Variants in CNIH3 observed in about 807,000 individuals in gnomAD.
CNIH3 encodes protein cornichon homolog 3.
Under a neutral mutation model 24.1 loss-of-function variants are expected in CNIH3, and 14 were observed. That is an observed-to-expected ratio of 0.58 (90% CI 0.38 to 0.91). The LOEUF (loss-of-function observed/expected upper bound fraction) is 0.91. Among genes scored for constraint, CNIH3 ranks in the 40% least tolerant of loss-of-function variants. The pLI is 0.00. For synonymous variants in CNIH3, 68 were observed against 73.8 expected (o/e 0.92, Z 0.40); for missense variants, 178 against 196.8 (o/e 0.90, Z 0.57).
intron 3 of CNIH3, among the ~76,000 whole-genome samples, chr1:224,723,421 C>A (rs1688847174): frequency 6.6e-6 from 1 of 152,182 alleles, no homozygotes; most frequent in Admixed American, 6.5e-5. Flanking sequence ...GCAACAGGAA[C>A]ATCCACAGTG....
chr1:224,652,737 G>A (rs1684918040), intron 1 of CNIH3, among the ~76,000 whole-genome samples: 1 of 152,206 alleles, frequency 6.6e-6, no homozygotes, highest in African/African-American at 2.4e-5. Context: ...CTCATTTCTG[G>A]ACTTCCAGAA....
chr1:224,510,635 A>G (rs999806631), intron 1 of CNIH3, among the ~76,000 whole-genome samples: 3 of 152,036 alleles, frequency 2.0e-5, no homozygotes, highest in Middle Eastern at 3.4e-3. Flanking sequence ...AAAAGAAAGA[A>G]CTAGAACCAT....
At position 224,459,164 on chromosome 1, in the gene CNIH3, TGC is replaced by T. The variant is rs1335935116; in HGVS notation, n.203+24303_203+24304del. ...CTAGGACATCCAGGGCCCCTCTCTTTGCCTTCCCCTCTTTCTTCCTTCTACTG... is the reference window on the plus strand; with the variant it reads ...CTAGGACATCCAGGGCCCCTCTCTTTCTTCCCCTCTTTCTTCCTTCTACTG... On this transcript the variant is annotated intron_variant and non_coding_transcript_variant, in intron 1 of 5. Transcript: ENST00000471578. 3.1e-6 allele frequency: 3 copies of T among 960,192 alleles called. No homozygotes were observed. In the African/African-American group the frequency reaches 5.3e-5, roughly 17 times the overall value. 59.5% of individuals were successfully genotyped at this position (960,192 alleles called of 1,614,324 possible). A position where few individuals can be genotyped will look rare whatever the true frequency, so the allele number is the denominator to read the frequency against.
At chr1:224,446,531 G>A (rs534494355) in intron 1 of CNIH3, among the ~76,000 whole-genome samples, 1 of 152,124 alleles carries the variant, frequency 6.6e-6, no homozygotes, top group African/African-American at 2.4e-5. Flanking sequence ...AACGTAAATG[G>A]TATGTTTAAA....
At chr1:224,437,707 A>G (rs940049810) in intron 1 of CNIH3, among the ~76,000 whole-genome samples, 6 of 152,196 alleles carry the variant, frequency 3.9e-5, no homozygotes, top group African/African-American at 1.4e-4. Context: ...CACTCAAAAG[A>G]GGGGTGATTA....
intron 4 of CNIH3, among the ~76,000 whole-genome samples, chr1:224,581,408 C>T (rs1227738417): frequency 1.3e-5 from 2 of 152,188 alleles, no homozygotes; most frequent in Admixed American, 1.3e-4. Context: ...CTTTCTTCTA[C>T]CCTTTTGAAA....
intron 1 of CNIH3, among the ~76,000 whole-genome samples, chr1:224,474,898 G>A (rs191007604): frequency 1.7e-4 from 26 of 150,718 alleles, no homozygotes; most frequent in East Asian, 1.6e-3. Flanking sequence ...AAAAAAAGCC[G>A]GTCGTGGCAG....
intron 5 of CNIH3, among the ~76,000 whole-genome samples, chr1:224,585,583 G>A (rs1681471198): frequency 6.6e-6 from 1 of 151,648 alleles, no homozygotes; most frequent in South Asian, 2.1e-4. Context: ...GGCTCAAGCG[G>A]TCCTCCTGCC....
At chr1:224,609,376 A>C (rs1302570860) in intron 3 of CNIH3, among the ~76,000 whole-genome samples, 4 of 152,170 alleles carry the variant, frequency 2.6e-5, no homozygotes, top group Non-Finnish European at 4.4e-5. Context: ...TAAACATCCA[A>C]ACCCCACCAA....
At chr1:224,467,705 T>C (rs1048083492) in intron 1 of CNIH3, among the ~76,000 whole-genome samples, 2 of 152,150 alleles carry the variant, frequency 1.3e-5, no homozygotes, top group African/African-American at 2.4e-5. Flanking sequence ...ATTACAGGCA[T>C]GAGCCACTGC....
chr1:224,566,511 T>TC (rs1680588695), intron 4 of CNIH3, among the ~76,000 whole-genome samples: 1 of 152,126 alleles, frequency 6.6e-6, no homozygotes, highest in African/African-American at 2.4e-5. Flanking sequence ...CCTAATGCTA[T>TC]CCCTCCCCTA....
intron 1 of CNIH3, among the ~76,000 whole-genome samples, chr1:224,641,962 A>G (rs1684381633): frequency 6.6e-6 from 1 of 152,242 alleles, no homozygotes; most frequent in South Asian, 2.1e-4. Flanking sequence ...TGCACACTTC[A>G]GCATGTGCAT....
intron 4 of CNIH3, chr1:224,574,524 G>T: frequency 4.3e-6 from 3 of 705,064 alleles, no homozygotes; most frequent in Non-Finnish European, 7.9e-6. Context: ...GGTAACTGAG[G>T]CTGTGAAGGT....
intron 1 of CNIH3, among the ~76,000 whole-genome samples, chr1:224,619,892 G>A (rs1242648093): frequency 2.6e-5 from 4 of 152,166 alleles, no homozygotes; most frequent in East Asian, 1.9e-4. Context: ...TGAATTGTAC[G>A]TACCTACTTA....
chr1:224,524,244 G>A (rs1048972575), intron 2 of CNIH3, among the ~76,000 whole-genome samples: 2 of 152,210 alleles, frequency 1.3e-5, no homozygotes, highest in Non-Finnish European at 2.9e-5. Context: ...AACCAGGGTT[G>A]TCAGATCGGC....
At chr1:224,720,089 T>TTGATGA (rs749852397) in intron 3 of CNIH3, among the ~76,000 whole-genome samples, 1 of 152,094 alleles carries the variant, frequency 6.6e-6, no homozygotes, top group African/African-American at 2.4e-5. Flanking sequence ...TAAATATTAA[T>TTGATGA]TGATGATGAT....
intron 4 of CNIH3, among the ~76,000 whole-genome samples, chr1:224,732,461 A>C (rs1395300393): frequency 6.6e-6 from 1 of 152,192 alleles, no homozygotes; most frequent in Non-Finnish European, 1.5e-5. Context: ...ATTCACAACA[A>C]CCAAGTGAGC....
chr1:224,664,163 A>T (rs919095280), intron 1 of CNIH3, among the ~76,000 whole-genome samples: 1 of 152,208 alleles, frequency 6.6e-6, no homozygotes, highest in African/African-American at 2.4e-5. Flanking sequence ...AATGGGAATT[A>T]GGGAGAGGTA....
chr1:224,736,338 C>T (rs1402681778), intron 5 of CNIH3, among the ~76,000 whole-genome samples: 1 of 152,114 alleles, frequency 6.6e-6, no homozygotes, highest in African/African-American at 2.4e-5. Flanking sequence ...GTTGCCCAGG[C>T]TGGTCTTGAA....
Sources: allele counts gnomAD v4.1 joint callset (sites outside exome capture counted in the v4.1 genomes callset), GRCh38; gene constraint gnomAD v4.1.1; transcripts MANE v1.5; gene names NCBI Gene and HGNC (gene_info 2026-07-23, HGNC 2026-07-21).